Variants in NACC2 observed in about 807,000 individuals in gnomAD.
NACC2 encodes nucleus accumbens-associated protein 2.
A neutral mutation model predicts 25.1 loss-of-function variants in NACC2; 8 were observed. That is an observed-to-expected ratio of 0.32 (90% CI 0.19 to 0.57). NACC2 has a LOEUF of 0.57. Among genes scored for constraint, NACC2 ranks in the 20% least tolerant of loss-of-function variants. The pLI is 0.89. For synonymous variants in NACC2, 435 were observed against 294.7 expected, an observed-to-expected ratio of 1.48 and a Z score of -4.88; for missense variants, 644 against 650.2, an observed-to-expected ratio of 0.99 and a Z score of 0.10.
At chr9:136,016,068 T>C (rs1359772741) in intron 3 of NACC2, among the ~76,000 whole-genome samples, 197 bp downstream of exon 3, 1 of 152,198 alleles carries the variant, frequency 6.6e-6, no homozygotes, top group African/African-American at 2.4e-5. Flanking sequence ...GCCCAGGGGA[T>C]TCAATTAAAA....
chr9:136,076,513 GA>G (rs1830264313), intron 1 of NACC2, among the ~76,000 whole-genome samples: 1 of 152,168 alleles, frequency 6.6e-6, no homozygotes, highest in African/African-American at 2.4e-5. Flanking sequence ...ACAGGAAGCA[GA>G]ACGGAGGTTT....
chr9:136,012,674 CTTTTTTTTA>C (rs1840129901), intron 5 of NACC2, among the ~76,000 whole-genome samples: 1 of 72,318 alleles, frequency 1.4e-5, no homozygotes, highest in Non-Finnish European at 3.0e-5. Flanking sequence ...TTTTTTTTTT[CTTTTTTTTA>C]GGAAGAAAAC....
At chr9:136,051,559 C>G (rs1410136235) in intron 1 of NACC2, among the ~76,000 whole-genome samples, 1 of 152,092 alleles carries the variant, frequency 6.6e-6, no homozygotes, top group Non-Finnish European at 1.5e-5. Flanking sequence ...TCCGCAGGGC[C>G]GCACAAAGGC....
chr9:136,030,562 A>C (rs906949957), intron 2 of NACC2, among the ~76,000 whole-genome samples: 4 of 151,964 alleles, frequency 2.6e-5, no homozygotes, highest in African/African-American at 9.7e-5. Context: ...GTGAGCCGAG[A>C]CTGCGCCACT....
intron 2 of NACC2, among the ~76,000 whole-genome samples, chr9:136,038,707 T>C (rs1452409947): frequency 1.3e-5 from 2 of 152,204 alleles, no homozygotes; most frequent in East Asian, 3.8e-4. Context: ...AGGACAACAT[T>C]AGCACAAAGG....
At position 136,013,393 on chromosome 9, in the gene NACC2, G is replaced by A. The variant is rs1840144271; in HGVS notation, c.1158-97C>T. The A allele has an allele frequency of 1.1e-5, 12 of 1,119,860 alleles. No individual in the cohort carries two copies. The South Asian group carries it at 1.4e-4, about 13-fold the overall frequency. The allele number at this position is 1,119,860 out of a possible 1,614,324, so 69.4% of individuals were successfully genotyped here. A position where few individuals can be genotyped will look rare whatever the true frequency, so the allele number is the denominator to read the frequency against. ...CGAATGCCCTGCTGGGAGGCCACTTGGCCTCACCCTTGGCTGGTCTGCGTG... is the reference window on the plus strand; with the variant it reads ...CGAATGCCCTGCTGGGAGGCCACTTAGCCTCACCCTTGGCTGGTCTGCGTG... On this transcript the variant is annotated intron_variant, in intron 4 of 5. Transcript: ENST00000277554. This position sits in a 1 kb window ranked among gnomAD's most constrained non-coding sequence, Gnocchi z 6.6.
chr9:136,074,718 A>G (rs1830240619), intron 1 of NACC2, among the ~76,000 whole-genome samples: 1 of 151,934 alleles, frequency 6.6e-6, no homozygotes, highest in South Asian at 2.1e-4. Flanking sequence ...GCACCGACAG[A>G]TGAAGCTGGA....
chr9:136,030,417 G>A (rs922695701), intron 2 of NACC2, among the ~76,000 whole-genome samples: 23 of 151,850 alleles, frequency 1.5e-4, no homozygotes, highest in African/African-American at 4.6e-4. Flanking sequence ...AGACCATCCC[G>A]GTGAACACAG....
chr9:136,041,125 C>G (rs970874378), intron 2 of NACC2, among the ~76,000 whole-genome samples: 47 of 31,310 alleles, frequency 1.5e-3, no homozygotes, highest in African/African-American at 2.9e-3. Context: ...AGGAAGGAAG[C>G]AAGCAAGCAT....
intron 2 of NACC2, among the ~76,000 whole-genome samples, chr9:136,047,668 G>A (rs1260687039): frequency 1.3e-5 from 2 of 152,172 alleles, no homozygotes; most frequent in Non-Finnish European, 2.9e-5. Context: ...GAGTTGGAGG[G>A]AAGGACTCAC....
chr9:136,013,364 CG>C lies in NACC2; in HGVS notation c.1158-69del. On this transcript the variant is annotated intron_variant, in intron 4 of 5. Coordinates refer to ENST00000277554, the MANE Select transcript of NACC2 (RefSeq NM_144653.5). This position sits in a 1 kb window ranked among gnomAD's most constrained non-coding sequence, Gnocchi z 6.6. ...GGAGGGTACCTGGAGGCGACCCGCC[CG>C]CACGAATGCCCTGCTGGGAGGCCAC... The C allele has an allele frequency of 6.9e-7, 1 of 1,447,316 alleles. No individual in the cohort carries two copies. Among genetic ancestry groups the C allele is most frequent in the Non-Finnish European group, 9.6e-7 (1 of 1,044,924 alleles). The allele number at this position is 1,447,316 out of a possible 1,614,324, so 89.7% of individuals were successfully genotyped here.
chr9:136,077,298 C>G (rs1260042148), intron 1 of NACC2, among the ~76,000 whole-genome samples: 2 of 152,168 alleles, frequency 1.3e-5, no homozygotes, highest in South Asian at 4.1e-4. Flanking sequence ...CCATTGCACT[C>G]CAGCCTGGGC....
Position 136,013,185 on chromosome 9 carries a change from C to T in NACC2, c.1255+14G>A. On this transcript the variant is annotated intron_variant, in intron 5 of 5. Transcript: ENST00000277554. The surrounding 1 kb of genome is among the most constrained non-coding windows in gnomAD (Gnocchi z 6.6). ...CCCCGGCCCCACCCACCCGAGAGAC[C>T]CCCAGGCTCTTACATTTCACAGCGT... is the stretch of plus-strand genomic sequence containing the variant. 1.3e-6 allele frequency: 2 copies of T among 1,552,766 alleles called. No homozygotes were observed. The highest frequency in any genetic ancestry group is 1.8e-6 in the Non-Finnish European group (2 of 1,128,334).
chr9:136,029,432 C>T (rs1840441499), intron 2 of NACC2, among the ~76,000 whole-genome samples: 1 of 152,236 alleles, frequency 6.6e-6, no homozygotes, highest in African/African-American at 2.4e-5. Flanking sequence ...CTGCATACCT[C>T]ATTTTCCTGG....
At chr9:136,053,998 C>T (rs1419914363) in intron 1 of NACC2, among the ~76,000 whole-genome samples, 1 of 152,212 alleles carries the variant, frequency 6.6e-6, no homozygotes, top group Non-Finnish European at 1.5e-5. Flanking sequence ...CCAGCCACTT[C>T]CTGTAAGGAC....
At chr9:136,032,491 A>G (rs1840488864) in intron 2 of NACC2, among the ~76,000 whole-genome samples, 1 of 152,234 alleles carries the variant, frequency 6.6e-6, no homozygotes, top group African/African-American at 2.4e-5. Flanking sequence ...GAACAGTGGA[A>G]GCTTTTCCTG....
chr9:136,085,146 T>TTTTA (rs1564244117), intron 1 of NACC2, among the ~76,000 whole-genome samples: 2 of 121,348 alleles, frequency 1.6e-5, no homozygotes, highest in Non-Finnish European at 3.6e-5. Flanking sequence ...AATTTTTTTT[T>TTTTA]TTTTTTTTTT....
intron 1 of NACC2, among the ~76,000 whole-genome samples, chr9:136,092,348 G>A (rs1830441800): frequency 1.3e-5 from 2 of 152,178 alleles, no homozygotes; most frequent in South Asian, 4.1e-4. Context: ...AGGTTCCCAA[G>A]ACCCCTCATC....
intron 1 of NACC2, among the ~76,000 whole-genome samples, chr9:136,080,587 AT>A (rs1830311969): frequency 2.6e-5 from 4 of 151,268 alleles, no homozygotes; most frequent in Non-Finnish European, 3.0e-5. Context: ...CCCTGCTCCA[AT>A]AAAAAAACTC....
Sources: gnomAD v4.1 joint callset for allele counts (sites outside exome capture counted in the v4.1 genomes callset) on GRCh38, gnomAD v4.1.1 for gene constraint, Gnocchi (gnomAD v3.1) non-coding constraint, MANE v1.5 for transcripts, NCBI Gene and HGNC (gene_info 2026-07-23, HGNC 2026-07-21) for gene names.